The following ITIH1 variants were observed in gnomAD, a reference collection of about 807,000 sequenced individuals.
The protein encoded by ITIH1 is inter-alpha-trypsin inhibitor heavy chain H1.
ITIH1 carries 94 observed loss-of-function variants against 104.6 expected under a neutral mutation model. That is an observed-to-expected ratio of 0.90 (90% CI 0.76 to 1.07). The LOEUF (loss-of-function observed/expected upper bound fraction) is 1.07. Ranked by LOEUF, ITIH1 falls within the 50% of genes least tolerant of loss-of-function variation. The pLI, the probability that ITIH1 is intolerant of heterozygous loss-of-function variation, is 0.00. For synonymous variants in ITIH1, 455 were observed against 464.4 expected (o/e 0.98, Z 0.26); for missense variants, 1,193 against 1,181.4 (o/e 1.01, Z -0.14).
chr3:52,784,381 C>G lies in ITIH1; in HGVS notation c.1311C>G (p.His437Gln), dbSNP rs1432457779. The G allele has an allele frequency of 1.9e-6, 3 of 1,614,138 alleles. No homozygotes were observed. Among genetic ancestry groups the G allele is most frequent in the Admixed American group, 1.7e-5 (1 of 60,026 alleles). The change falls in exon 11 of 22, where the codon CAC becomes CAG. Residue 437 changes from histidine (H) to glutamine (Q), a missense_variant. Physicochemically the swap from His to Gln is conservative, Grantham distance 24 (BLOSUM62 0). Transcript: ENST00000273283. ...CGCTCTACAACCTGGGTTTCGGCCA[C>G]AATGTGGACTTTAACTTTCTGGAGG... Reference protein sequence around the residue: ...RFPLYNLGFGHNVDFNFLEVM... With the variant: ...RFPLYNLGFGQNVDFNFLEVM...
At chr3:52,788,184 C>T (rs927514553) in intron 17 of ITIH1, 48 bp from the exon 18 acceptor site, 7 of 1,528,092 alleles carry the variant, frequency 4.6e-6, no homozygotes, top group African/African-American at 1.4e-5. Flanking sequence ...CCTGGCCAGC[C>T]CCATCTGCCC....
intron 13 of ITIH1, 101 bp from the exon 14 acceptor site, chr3:52,786,841 AATG>A: frequency 5.6e-6 from 2 of 355,606 alleles, no homozygotes; most frequent in Non-Finnish European, 8.1e-6. Flanking sequence ...TTATGTGTCG[AATG>A]AATGAATGAA....
At chr3:52,787,443 ATGTC>A in intron 15 of ITIH1, 145 bp from the exon 16 acceptor site, 1 of 1,010,904 alleles carries the variant, frequency 9.9e-7, no homozygotes, top group Non-Finnish European at 1.6e-6. Flanking sequence ...GTGTGAGTGT[ATGTC>A]TGTGAGGAGG....
In ITIH1 at chr3:52,778,484, G is replaced by A. The variant is rs1410243901; in HGVS notation, c.283G>A (p.Ala95Thr). 1.9e-6 allele frequency: 3 copies of A among 1,614,262 alleles called. No individual in the cohort carries two copies. Among genetic ancestry groups the A allele is most frequent in the Non-Finnish European group, 2.5e-6 (3 of 1,180,042 alleles). Residue 95 changes from alanine (A) to threonine (T), a missense_variant, in exon 3 of 22, where the codon GCA becomes ACA. Transcript: ENST00000273283. ...CTTCGACCTGGAAATCCCCAAGACAGCATTCATCAGTGACTTTGCCGTGTG... is the reference window on the plus strand; with the variant it reads ...CTTCGACCTGGAAATCCCCAAGACAACATTCATCAGTGACTTTGCCGTGTG... ...VAFDLEIPKT[A>T]FISDFAVTAD...
chr3:52,778,249 T>TCCC, intron 2 of ITIH1, 91 bp from the exon 3 acceptor site: 1 of 1,339,100 alleles, frequency 7.5e-7, no homozygotes, highest in Non-Finnish European at 1.1e-6. Flanking sequence ...CACCATGCAC[T>TCCC]GGGGCTAAGT....
Position 52,786,946 on chromosome 3 carries a change from A to G in ITIH1, c.1735A>G (p.Met579Val). 6.2e-7 allele frequency: 1 copy of G among 1,611,062 alleles called. No homozygotes were observed. Among genetic ancestry groups the G allele is most frequent in the Non-Finnish European group, 8.5e-7 (1 of 1,178,072 alleles). The change falls in exon 14 of 22, where the codon ATG becomes GTG. Residue 579 changes from methionine to valine, a missense_variant and splice_region_variant. Met to Val is a conservative substitution (Grantham distance 21). Coordinates refer to ENST00000273283, the MANE Select transcript of ITIH1 (RefSeq NM_002215.4). Reference protein sequence around the residue: ...LTIQELLAKRMKVDREERANL... With the variant: ...LTIQELLAKRVKVDREERANL... ...AGCCAGCCTCTGTCTTGAATGCAGG[A>G]TGAAGGTGGACAGGGAGGAGAGGGC...
rs1293099054 is a variant in ITIH1, at chr3:52,789,789, G to A, written c.2256G>A (p.Thr752=). 3.7e-6 allele frequency: 6 copies of A among 1,614,122 alleles called. No individual in the cohort carries two copies. Among genetic ancestry groups the A allele is most frequent in the African/African-American group, 1.3e-5 (1 of 74,946 alleles). The change falls in exon 19 of 22, where the codon ACG becomes ACA. Residue 752 remains threonine (T), a synonymous_variant. Coordinates refer to ENST00000273283, the MANE Select transcript of ITIH1 (RefSeq NM_002215.4). ...FQLEVTPQNI[T]LNPGFGGPVF... The stretch of plus-strand genomic sequence containing the variant: ...TGGAAGTGACTCCTCAGAACATTAC[G>A]CTGAACCCCGGCTTTGGTGGGCCTG...
intron 1 of ITIH1, 42 bp from the exon 2 acceptor site, chr3:52,777,955 C>T (rs768783307): frequency 6.2e-7 from 1 of 1,613,898 alleles, no homozygotes; most frequent in Non-Finnish European, 8.5e-7. Flanking sequence ...CGGTGGTCCC[C>T]TGAGTTTTCC....
In ITIH1 at chr3:52,790,908, G is replaced by A. The variant is rs9817404; in HGVS notation, c.2481G>A (p.Thr827=). The change falls in exon 20 of 22, where the codon ACG becomes ACA. Residue 827 remains threonine, a synonymous_variant. Transcript: ENST00000273283. ...ACAGTCATCGGATGTCAGCCCGGACGCACGGGCTGCTGGGTACGGCTGGCC... is the reference window on the plus strand; with the variant it reads ...ACAGTCATCGGATGTCAGCCCGGACACACGGGCTGCTGGGTACGGCTGGCC... The part of the protein sequence containing the change: ...VLDSHRMSAR[T]HGLLGQFFHP... The A allele has an allele frequency of 2.1e-3, 3,328 of 1,602,498 alleles. 69 individuals carry two copies. The African/African-American group carries it at 0.041, about 20-fold the overall frequency.
At chr3:52,787,756 G>A in intron 16 of ITIH1, 144 bp downstream of exon 16, 1 of 1,036,646 alleles carries the variant, frequency 9.6e-7, no homozygotes, top group Admixed American at 1.7e-5. Flanking sequence ...GGCCTCCCCA[G>A]CCTGAGGTCC....
intron 8 of ITIH1, 62 bp downstream of exon 8, chr3:52,782,329 A>G: frequency 7.7e-7 from 1 of 1,304,822 alleles, no homozygotes; most frequent in South Asian, 1.2e-5. Flanking sequence ...CACTCACCAC[A>G]TGCCAGTTTT....
At chr3:52,787,159 T>C in intron 14 of ITIH1, 29 bp from the exon 15 acceptor site, 1 of 1,614,198 alleles carries the variant, frequency 6.2e-7, no homozygotes, top group Non-Finnish European at 8.5e-7. Flanking sequence ...TCTGGGGCTC[T>C]AATTATTTTC....
chr3:52,780,282 T>G lies in ITIH1; in HGVS notation c.587T>G (p.Ile196Ser), dbSNP rs376677198. The G allele has an allele frequency of 8.1e-6, 13 of 1,612,938 alleles. No individual in the cohort carries two copies. The highest frequency in any genetic ancestry group is 1.0e-5 in the Non-Finnish European group (12 of 1,179,262). The change falls in exon 6 of 22, where the codon ATC becomes AGC. Residue 196 changes from isoleucine (I) to serine (S), a missense_variant. By Grantham distance (142) the Ile-to-Ser change is moderately radical. Transcript: ENST00000273283. Reference sequence around the variant, plus strand: ...TCAATGTTGCAGATTGATGTGGACATCTTCGAGCCCCAGGGGATCAGCAAG... The same window carrying G: ...TCAATGTTGCAGATTGATGTGGACAGCTTCGAGCCCCAGGGGATCAGCAAG... The part of the protein sequence containing the change: ...LVHHFEIDVD[I>S]FEPQGISKLD...
intron 19 of ITIH1, 161 bp from the exon 20 acceptor site, chr3:52,790,588 T>G: frequency 1.9e-5 from 13 of 678,362 alleles, no homozygotes; most frequent in East Asian, 8.2e-5. Flanking sequence ...CCAAGCAACA[T>G]GTGGGGAGGG....
chr3:52,790,558 C>A, intron 19 of ITIH1, 191 bp from the exon 20 acceptor site: 1 of 607,072 alleles, frequency 1.6e-6, no homozygotes, highest in Non-Finnish European at 2.9e-6. Flanking sequence ...TAGCACAGGA[C>A]CTGGCACATT....
At chr3:52,790,130 C>CA (rs1321385498) in intron 19 of ITIH1, 1 of 508,988 alleles carries the variant, frequency 2.0e-6, no homozygotes, top group African/African-American at 1.9e-5. Context: ...CTCATCCTCC[C>CA]AGGCCCAGCA....
intron 12 of ITIH1, among the ~76,000 whole-genome samples, chr3:52,785,839 A>G (rs1699182966): frequency 6.6e-6 from 1 of 152,242 alleles, no homozygotes; most frequent in Non-Finnish European, 1.5e-5. Context: ...CATTGTGTGG[A>G]GTAAATGGAA....
intron 19 of ITIH1, 179 bp downstream of exon 19, chr3:52,790,033 TG>T: frequency 1.6e-6 from 1 of 641,702 alleles, no homozygotes; most frequent in South Asian, 1.9e-5. Flanking sequence ...TTACTGGATA[TG>T]TCCTCTGGGC....
At position 52,790,937 on chromosome 3, in the gene ITIH1, C is replaced by A. The variant is rs1396102240; in HGVS notation, c.2494+16C>A. On this transcript the variant is annotated intron_variant, in intron 20 of 21. Transcript: ENST00000273283. ...GGGCTGCTGGGTACGGCTGGCCAGG[C>A]TGGCAGGGCTGTGGGGAAGGGTGTT... 1 of 1,587,584 alleles carries A rather than the reference C, an allele frequency of 6.3e-7. No homozygotes were observed. The highest frequency in any genetic ancestry group is 1.4e-5 in the African/African-American group (1 of 73,210).
Sources: gnomAD v4.1 joint callset for allele counts (sites outside exome capture counted in the v4.1 genomes callset) on GRCh38, gnomAD v4.1.1 for gene constraint, MANE v1.5 for transcripts, NCBI Gene and HGNC (gene_info 2026-07-23, HGNC 2026-07-21) for gene names.